KDM4C: variants seen among roughly 807,000 people sequenced by gnomAD.
KDM4C encodes the protein lysine-specific demethylase 4C.
KDM4C carries 81 observed loss-of-function variants against 129.3 expected under a neutral mutation model. The ratio of observed to expected loss-of-function variants is 0.63; its 90% CI spans 0.52 to 0.75. The LOEUF is 0.75. KDM4C is among the 30% of genes least tolerant of loss of function. The pLI, the probability that KDM4C is intolerant of heterozygous loss-of-function variation, is 0.00. For synonymous variants in KDM4C, 573 were observed against 456.1 expected, an observed-to-expected ratio of 1.26 and a Z score of -3.26; for missense variants, 1,457 against 1,304.0, an observed-to-expected ratio of 1.12 and a Z score of -1.81.
intron 12 of KDM4C, among the ~76,000 whole-genome samples, chr9:7,008,689 A>G (rs764521630): frequency 5.9e-5 from 9 of 152,206 alleles, no homozygotes; most frequent in Non-Finnish European, 1.0e-4. Flanking sequence ...CCGTGAACCC[A>G]AGATCCTGGC....
At chr9:6,920,552 G>GA (rs1554644424) in intron 8 of KDM4C, among the ~76,000 whole-genome samples, 7 of 87,558 alleles carry the variant, frequency 8.0e-5, no homozygotes, top group South Asian at 5.0e-4. Flanking sequence ...AACAGAACAA[G>GA]AAAAAAAAAA....
intron 1 of KDM4C, among the ~76,000 whole-genome samples, chr9:6,772,135 C>T (rs149512599): frequency 5.3e-5 from 8 of 152,204 alleles, no homozygotes; most frequent in East Asian, 1.9e-4. Flanking sequence ...AATTAATATT[C>T]GTAGGAGAAC....
intron 4 of KDM4C, among the ~76,000 whole-genome samples, chr9:6,846,142 A>G (rs1012689639): frequency 2.0e-5 from 3 of 152,216 alleles, no homozygotes; most frequent in African/African-American, 4.8e-5. Context: ...ATCTTTGTTG[A>G]CAATGATGCT....
chr9:6,780,230 T>G (rs1310281491), intron 1 of KDM4C, among the ~76,000 whole-genome samples: 1 of 152,156 alleles, frequency 6.6e-6, no homozygotes, highest in Non-Finnish European at 1.5e-5. Context: ...TTAAAAATTA[T>G]GTAAATAGAT....
intron 8 of KDM4C, among the ~76,000 whole-genome samples, chr9:6,919,545 G>GTCTATCTATCTATCTA (rs1029513535): frequency 2.5e-4 from 20 of 79,462 alleles, no homozygotes; most frequent in Non-Finnish European, 3.9e-4. Flanking sequence ...CTGTCTGTCT[G>GTCTATCTATCTATCTA]TCTATCTATC....
intron 17 of KDM4C, among the ~76,000 whole-genome samples, chr9:7,061,346 A>C (rs1323328688): frequency 6.6e-6 from 1 of 152,200 alleles, no homozygotes; most frequent in Non-Finnish European, 1.5e-5. Context: ...CCTGTCCCGG[A>C]ATCTTCTGTC....
chr9:7,078,001 T>G (rs1834115076), intron 17 of KDM4C, among the ~76,000 whole-genome samples: 1 of 152,210 alleles, frequency 6.6e-6, no homozygotes, highest in Non-Finnish European at 1.5e-5. Flanking sequence ...GATCAACATG[T>G]CTGTTTAATT....
In KDM4C at chr9:6,994,302, T is replaced by C. The variant is rs145444430; in HGVS notation, c.1786+3778T>C. Among the ~76,000 whole-genome samples the C allele has an allele frequency of 3.2e-3, 484 of 152,220 alleles. 4 individuals are homozygous for C. Among genetic ancestry groups the C allele is most frequent in the African/African-American group, 0.01 (425 of 41,524 alleles). On this transcript the variant is annotated intron_variant, in intron 12 of 21. Coordinates refer to ENST00000381309, the MANE Select transcript of KDM4C (RefSeq NM_015061.6). ...GTTGGGGACCCCTGATTTAGACAAC[T>C]TCTCCTTACCCTCCCCCTGCTGCTT...
chr9:6,801,027 AGGT>A (rs1277436176), intron 2 of KDM4C, among the ~76,000 whole-genome samples: 1 of 152,078 alleles, frequency 6.6e-6, no homozygotes, highest in Non-Finnish European at 1.5e-5. Context: ...GCTCACTGTG[AGGT>A]GGTTTTATTT....
At chr9:6,726,810 A>G (rs1817147161) in intron 1 of KDM4C, 1 of 152,116 alleles carries the variant, frequency 6.6e-6, no homozygotes, top group Non-Finnish European at 1.5e-5. Context: ...ATCTGGGCTC[A>G]CTGCAAGCTT....
intron 19 of KDM4C, among the ~76,000 whole-genome samples, chr9:7,141,718 A>G (rs144799935): frequency 1.3e-5 from 2 of 151,728 alleles, no homozygotes; most frequent in African/African-American, 4.8e-5. Context: ...GCTCTGTTTT[A>G]TACACCTAGA....
At chr9:7,075,325 T>C (rs553437057) in intron 17 of KDM4C, among the ~76,000 whole-genome samples, 1 of 152,328 alleles carries the variant, frequency 6.6e-6, no homozygotes, top group Admixed American at 6.5e-5. Context: ...TCATCACATG[T>C]GTTTTGTCTC....
intron 8 of KDM4C, among the ~76,000 whole-genome samples, chr9:6,936,418 TAC>T (rs1208570968): frequency 6.6e-6 from 1 of 152,230 alleles, no homozygotes; most frequent in East Asian, 1.9e-4. Flanking sequence ...AATGCATATA[TAC>T]ATTTATAGGT....
intron 4 of KDM4C, among the ~76,000 whole-genome samples, chr9:6,844,170 A>G (rs1204453306): frequency 6.6e-6 from 1 of 152,132 alleles, no homozygotes; most frequent in East Asian, 1.9e-4. Flanking sequence ...GTTTTTCAGT[A>G]CATTTTATAG....
intron 8 of KDM4C, among the ~76,000 whole-genome samples, chr9:6,898,469 T>C (rs544749262): frequency 6.6e-6 from 1 of 152,316 alleles, no homozygotes; most frequent in African/African-American, 2.4e-5. Flanking sequence ...ATGATATCTT[T>C]TATTTTAATT....
In KDM4C at chr9:6,758,185, G is replaced by A. The variant is rs1351904596; in HGVS notation, c.-36G>A. ...TCCTCCTCCACCGAGTCGTGCTCTC[G>A]CCCCAACCCGCGCGCCAGGTAACCG... On this transcript the variant is annotated 5_prime_UTR_variant, in exon 1 of 22. Transcript: ENST00000381309. The surrounding 1 kb of genome is among the most constrained non-coding windows in gnomAD (Gnocchi z 4.6). The A allele has an allele frequency of 2.5e-5, 25 of 985,824 alleles. No individual in the cohort carries two copies. Among genetic ancestry groups the A allele is most frequent in the Non-Finnish European group, 2.6e-5 (22 of 830,412 alleles). The allele number at this position is 985,824 out of a possible 1,614,324, so 61.1% of individuals were successfully genotyped here.
intron 8 of KDM4C, among the ~76,000 whole-genome samples, chr9:6,975,606 C>T (rs1832786194): frequency 1.3e-5 from 2 of 152,136 alleles, no homozygotes; most frequent in South Asian, 4.1e-4. Flanking sequence ...TTTTAAGGGA[C>T]TCTTATTCTC....
intron 5 of KDM4C, among the ~76,000 whole-genome samples, chr9:6,871,762 A>T (rs1323193058): frequency 6.6e-6 from 1 of 152,228 alleles, no homozygotes. Flanking sequence ...GCTGTGGAGC[A>T]GGCACTCTAC....
At chr9:7,081,927 G>C (rs1435554565) in intron 17 of KDM4C, among the ~76,000 whole-genome samples, 3 of 152,098 alleles carry the variant, frequency 2.0e-5, no homozygotes, top group Non-Finnish European at 4.4e-5. Context: ...AATCAGAGCA[G>C]GAACCCAGAG....
Sources: gnomAD v4.1 joint callset for allele counts (sites outside exome capture counted in the v4.1 genomes callset) on GRCh38, gnomAD v4.1.1 for gene constraint, Gnocchi (gnomAD v3.1) non-coding constraint, MANE v1.5 for transcripts, NCBI Gene and HGNC (gene_info 2026-07-23, HGNC 2026-07-21) for gene names.